Variants in STAT3 observed in about 807,000 individuals in gnomAD.
STAT3 encodes the protein signal transducer and activator of transcription 3, also known as DNA-binding protein APRF.
In STAT3, 7 loss-of-function variants were observed where a neutral mutation model predicts 114.3. The ratio of observed to expected loss-of-function variants is 0.06; its 90% CI spans 0.03 to 0.11. STAT3 has a LOEUF of 0.11. Ranked by LOEUF, STAT3 falls within the 10% of genes least tolerant of loss-of-function variation. The pLI is 1.00. For missense variants in STAT3, 364 were observed against 960.9 expected (o/e 0.38, Z 8.21); for synonymous variants, 331 against 354.5 (o/e 0.93, Z 0.74).
chr17:42,323,530 G>A (rs2081573305), intron 18 of STAT3, 43 bp downstream of exon 18: 3 of 1,608,066 alleles, frequency 1.9e-6, no homozygotes. Flanking sequence ...AGCCGTGCAG[G>A]TGAGCATTCC....
intron 1 of STAT3, among the ~76,000 whole-genome samples, chr17:42,356,705 C>T (rs1268760753): frequency 2.6e-5 from 4 of 152,020 alleles, no homozygotes; most frequent in Non-Finnish European, 4.4e-5. Context: ...TGGTCTCAAG[C>T]GACCCTCCTG....
intron 1 of STAT3, among the ~76,000 whole-genome samples, chr17:42,375,764 G>A (rs1247815630): frequency 6.6e-6 from 1 of 151,828 alleles, no homozygotes; most frequent in Non-Finnish European, 1.5e-5. Context: ...GGGAGGCGGA[G>A]GTTGTGGTGA....
intron 1 of STAT3, among the ~76,000 whole-genome samples, chr17:42,352,778 T>C (rs1162843817): frequency 1.3e-5 from 2 of 152,084 alleles, no homozygotes; most frequent in Non-Finnish European, 1.5e-5. Context: ...TTCTATTGCA[T>C]ACAAATTTAC....
chr17:42,383,411 C>T (rs1316719839), intron 1 of STAT3, among the ~76,000 whole-genome samples: 1 of 151,586 alleles, frequency 6.6e-6, no homozygotes, highest in Non-Finnish European at 1.5e-5. Context: ...CTATGTTGCC[C>T]AGGCTGGTCT....
At chr17:42,328,552 C>T (rs1272042956) in intron 14 of STAT3, among the ~76,000 whole-genome samples, 4 of 152,170 alleles carry the variant, frequency 2.6e-5, no homozygotes, top group Non-Finnish European at 4.4e-5. Context: ...GGACTACAGG[C>T]GTGCACCACC....
chr17:42,358,923 A>G (rs890854467), intron 1 of STAT3, among the ~76,000 whole-genome samples: 6 of 113,856 alleles, frequency 5.3e-5, no homozygotes, highest in Admixed American at 1.9e-4. Flanking sequence ...CCTTTCATGG[A>G]CATTTCTTAC....
intron 21 of STAT3, 147 bp downstream of exon 21, chr17:42,322,135 A>C: frequency 1.3e-6 from 1 of 784,626 alleles, no homozygotes; most frequent in Non-Finnish European, 2.2e-6. Flanking sequence ...GGTCACCCCA[A>C]CAAAAGCACT....
chr17:42,388,172 A>G (rs939593853), intron 1 of STAT3, 107 bp downstream of exon 1: 35 of 1,179,822 alleles, frequency 3.0e-5, no homozygotes, highest in Non-Finnish European at 3.4e-5. Flanking sequence ...TCCCGGCCCC[A>G]CTGCAGCGTC....
chr17:42,372,732 A>G (rs1376530195), intron 1 of STAT3, among the ~76,000 whole-genome samples: 3 of 152,120 alleles, frequency 2.0e-5, no homozygotes, highest in African/African-American at 7.2e-5. Flanking sequence ...CTGTAATTCC[A>G]ACACTTTGGG....
intron 4 of STAT3, among the ~76,000 whole-genome samples, chr17:42,340,986 T>C (rs964020808): frequency 1.4e-4 from 21 of 152,148 alleles, no homozygotes; most frequent in African/African-American, 4.8e-4. Flanking sequence ...GGGGTGCTGC[T>C]CTGCACATCC....
chr17:42,335,151 G>T (rs978856908), intron 8 of STAT3, among the ~76,000 whole-genome samples: 1 of 151,038 alleles, frequency 6.6e-6, no homozygotes, highest in African/African-American at 2.4e-5. Context: ...TTGAGACAGG[G>T]TCCCACTCTG....
At chr17:42,384,277 C>G (rs2084971293) in intron 1 of STAT3, among the ~76,000 whole-genome samples, 1 of 151,644 alleles carries the variant, frequency 6.6e-6, no homozygotes, top group South Asian at 2.1e-4. Context: ...TACAGACGCC[C>G]GCCACAACGC....
chr17:42,338,863 G>T, intron 5 of STAT3, 51 bp from the exon 6 acceptor site: 1 of 1,499,668 alleles, frequency 6.7e-7, no homozygotes, highest in Non-Finnish European at 9.2e-7. Context: ...GATTTCCTTG[G>T]GAACAGAAAA....
chr17:42,325,545 C>G lies in STAT3; in HGVS notation c.1366-484G>C, dbSNP rs17887066. 4.5e-3 allele frequency among the ~76,000 whole-genome samples: 684 copies of G among 151,808 alleles called. 4 individuals are homozygous for G. Among genetic ancestry groups the G allele is most frequent in the African/African-American group, 0.016 (660 of 41,412 alleles). The stretch of plus-strand genomic sequence containing the variant: ...GGCTGCTAAGACTCTTATGCCCAAA[C>G]TTTATAAAGTCAGTTCTAATTTCTT... On this transcript the variant is annotated intron_variant, in intron 15 of 23. Coordinates refer to ENST00000264657, the MANE Select transcript of STAT3 (RefSeq NM_139276.3).
At chr17:42,346,233 T>A (rs2082694809) in intron 3 of STAT3, among the ~76,000 whole-genome samples, 1 of 152,166 alleles carries the variant, frequency 6.6e-6, no homozygotes, top group Non-Finnish European at 1.5e-5. Flanking sequence ...AGCTACTGAC[T>A]TAGTCAAGAA....
At chr17:42,373,284 A>G (rs1438711365) in intron 1 of STAT3, among the ~76,000 whole-genome samples, 1 of 152,182 alleles carries the variant, frequency 6.6e-6, no homozygotes, top group Non-Finnish European at 1.5e-5. Context: ...TGGGAGGCGG[A>G]GGTTGCAGTG....
rs901880859 is a variant in STAT3, at chr17:42,328,383, A to G, written c.1281+1027T>C. 4.6e-5 allele frequency among the ~76,000 whole-genome samples: 7 copies of G among 152,170 alleles called. No individual in the cohort carries two copies. The East Asian group carries it at 1.3e-3, about 29-fold the overall frequency. ...ACTCTACTGTCAAGTAAAATTCCAC[A>G]TTTTTAAAAAGGACTGCTACATTTT... is the stretch of plus-strand genomic sequence containing the variant. On this transcript the variant is annotated intron_variant, in intron 14 of 23. Transcript: ENST00000264657.
chr17:42,373,660 C>T (rs996907488), intron 1 of STAT3, among the ~76,000 whole-genome samples: 3 of 151,852 alleles, frequency 2.0e-5, no homozygotes, highest in African/African-American at 7.2e-5. Flanking sequence ...GAGGCCGAGG[C>T]GGGTGGATCA....
intron 8 of STAT3, among the ~76,000 whole-genome samples, chr17:42,334,358 G>A (rs1415395716): frequency 1.3e-5 from 2 of 151,546 alleles, no homozygotes; most frequent in Non-Finnish European, 2.9e-5. Context: ...TCGGCTCACT[G>A]CAACCTCCAT....
Sources: allele counts gnomAD v4.1 joint callset (sites outside exome capture counted in the v4.1 genomes callset), GRCh38; gene constraint gnomAD v4.1.1; transcripts MANE v1.5; gene names NCBI Gene and HGNC (gene_info 2026-07-23, HGNC 2026-07-21).